Variants in FHIT observed in about 807,000 individuals in gnomAD.
FHIT encodes the protein bis(5'-adenosyl)-triphosphatase.
A neutral mutation model predicts 17.9 loss-of-function variants in FHIT; 19 were observed. The observed-to-expected ratio is 1.06, with a 90% confidence interval of 0.74 to 1.56. The LOEUF (loss-of-function observed/expected upper bound fraction) is 1.56. FHIT is among the 40% of genes most tolerant of loss of function. The pLI is 0.00. For synonymous variants in FHIT, 81 were observed against 69.7 expected (o/e 1.16, Z -0.81); for missense variants, 248 against 189.2 (o/e 1.31, Z -1.82).
rs549703909 is a variant in FHIT at position 59,747,594 on chromosome 3, T to C, written c.*1991A>G. 6.6e-6 allele frequency among the ~76,000 whole-genome samples: 1 copy of C among 152,184 alleles called. No homozygotes were observed. Among genetic ancestry groups the C allele is most frequent in the South Asian group, 2.1e-4 (1 of 4,814 alleles). ...CATTAAGTCAAGAACATCTTTTTGG[T>C]CTTATAGTCTTTATTCTTATATAGG... On this transcript the variant is annotated 3_prime_UTR_variant, in exon 10 of 10. Coordinates refer to ENST00000492590, the MANE Select transcript of FHIT (RefSeq NM_002012.4).
At chr3:60,516,351 A>G (rs1036446744) in intron 5 of FHIT, among the ~76,000 whole-genome samples, 1 of 152,222 alleles carries the variant, frequency 6.6e-6, no homozygotes, top group African/African-American at 2.4e-5. Context: ...AGATAATTGC[A>G]TCCTTATTTC....
At chr3:59,819,140 A>T (rs1575545684) in intron 8 of FHIT, among the ~76,000 whole-genome samples, 1 of 152,198 alleles carries the variant, frequency 6.6e-6, no homozygotes. Flanking sequence ...TATCGGATAC[A>T]ACTTCTGTTA....
intron 5 of FHIT, among the ~76,000 whole-genome samples, chr3:60,254,386 C>A (rs906078114): frequency 6.6e-6 from 1 of 151,924 alleles, no homozygotes; most frequent in Non-Finnish European, 1.5e-5. Flanking sequence ...GGGCTTGTAA[C>A]CAAATAAAAT....
intron 4 of FHIT, among the ~76,000 whole-genome samples, chr3:60,564,471 G>A (rs7633467): frequency 0.026 from 3,895 of 152,240 alleles, 175 homozygotes; most frequent in African/African-American, 0.089. Context: ...GTCATGGACA[G>A]TGACTCCTCT....
At chr3:60,844,340 A>G (rs1236355712) in intron 3 of FHIT, among the ~76,000 whole-genome samples, 1 of 152,062 alleles carries the variant, frequency 6.6e-6, no homozygotes, top group Non-Finnish European at 1.5e-5. Context: ...ATCCTGGGGA[A>G]TAGATTTTCT....
intron 7 of FHIT, among the ~76,000 whole-genome samples, chr3:60,008,605 G>A (rs552123673): frequency 2.4e-4 from 37 of 152,274 alleles, no homozygotes; most frequent in African/African-American, 8.7e-4. Flanking sequence ...CTCAGCATGA[G>A]ACAAAAATGG....
intron 4 of FHIT, among the ~76,000 whole-genome samples, chr3:60,782,237 G>GTGTGTGTATATATATA (rs1553725880): frequency 4.2e-5 from 4 of 95,534 alleles, no homozygotes; most frequent in African/African-American, 1.1e-4. Flanking sequence ...GTGTGTGTGT[G>GTGTGTGTATATATATA]TATATATATA....
chr3:60,704,418 T>C (rs1577089359), intron 4 of FHIT, among the ~76,000 whole-genome samples: 1 of 152,222 alleles, frequency 6.6e-6, no homozygotes, highest in Admixed American at 6.5e-5. Flanking sequence ...CTTCAACTTT[T>C]CTACAAAACA....
intron 8 of FHIT, among the ~76,000 whole-genome samples, chr3:59,856,379 G>T (rs766880419): frequency 2.0e-5 from 3 of 152,118 alleles, no homozygotes; most frequent in Non-Finnish European, 4.4e-5. Flanking sequence ...TTTTCCCAAT[G>T]TTCAAGGAAG....
chr3:60,837,335 T>A (rs1229760912), intron 3 of FHIT, among the ~76,000 whole-genome samples: 2 of 152,210 alleles, frequency 1.3e-5, no homozygotes, highest in Non-Finnish European at 2.9e-5. Flanking sequence ...GTTGCCTAGT[T>A]ACAATATTGG....
At chr3:60,386,119 G>A (rs1701000225) in intron 5 of FHIT, among the ~76,000 whole-genome samples, 1 of 152,118 alleles carries the variant, frequency 6.6e-6, no homozygotes, top group Admixed American at 6.5e-5. Flanking sequence ...CCATGTGGCA[G>A]AACCAAGATT....
intron 3 of FHIT, among the ~76,000 whole-genome samples, chr3:60,945,768 T>C (rs1303296956): frequency 4.6e-5 from 7 of 152,328 alleles, no homozygotes; most frequent in African/African-American, 1.4e-4. Context: ...TTTCTTCTGA[T>C]TGTTTCTCTT....
At chr3:59,821,565 C>T (rs746218533) in intron 8 of FHIT, among the ~76,000 whole-genome samples, 6 of 152,122 alleles carry the variant, frequency 3.9e-5, no homozygotes, top group Admixed American at 1.3e-4. Flanking sequence ...GCAGAGTTCT[C>T]CCTCAGTTGC....
chr3:60,768,950 T>C (rs1378500933), intron 4 of FHIT, among the ~76,000 whole-genome samples: 1 of 152,232 alleles, frequency 6.6e-6, no homozygotes, highest in Non-Finnish European at 1.5e-5. Context: ...TGAAAATGTA[T>C]ACTTCTTGGA....
intron 4 of FHIT, among the ~76,000 whole-genome samples, chr3:60,556,496 C>T (rs2036743801): frequency 6.6e-6 from 1 of 152,172 alleles, no homozygotes; most frequent in Non-Finnish European, 1.5e-5. Flanking sequence ...TCTAAATGCC[C>T]AGCCTACATT....
At chr3:60,599,744 C>T (rs1410637348) in intron 4 of FHIT, among the ~76,000 whole-genome samples, 2 of 150,900 alleles carry the variant, frequency 1.3e-5, no homozygotes, top group African/African-American at 2.4e-5. Flanking sequence ...CACATACACA[C>T]TGTCCCACAT....
intron 1 of FHIT, among the ~76,000 whole-genome samples, chr3:61,208,587 T>C (rs1195376394): frequency 6.6e-6 from 1 of 152,084 alleles, no homozygotes; most frequent in African/African-American, 2.4e-5. Flanking sequence ...TTTGTCTCTT[T>C]TGATCTTTGT....
chr3:60,300,718 G>C (rs907436263), intron 5 of FHIT, among the ~76,000 whole-genome samples: 5 of 152,062 alleles, frequency 3.3e-5, no homozygotes, highest in African/African-American at 1.2e-4. Flanking sequence ...TTTCCAGTTT[G>C]TCCTGTGTTT....
intron 5 of FHIT, among the ~76,000 whole-genome samples, chr3:60,237,558 T>C (rs576484287): frequency 1.3e-4 from 20 of 152,276 alleles, no homozygotes; most frequent in African/African-American, 3.8e-4. Flanking sequence ...TCCTGTGAAA[T>C]AGAAACTTTT....
Sources: gnomAD v4.1 joint callset for allele counts (sites outside exome capture counted in the v4.1 genomes callset) on GRCh38, gnomAD v4.1.1 for gene constraint, MANE v1.5 for transcripts, NCBI Gene and HGNC (gene_info 2026-07-23, HGNC 2026-07-21) for gene names.